The following EIF2AK3 variants were observed in gnomAD, a reference collection of about 807,000 sequenced individuals.
EIF2AK3 encodes eukaryotic translation initiation factor 2 alpha kinase 3.
EIF2AK3 carries 50 observed loss-of-function variants against 113.5 expected under a neutral mutation model. The observed-to-expected ratio is 0.44, with a 90% CI of 0.35 to 0.56. EIF2AK3 has a LOEUF of 0.56. Ranked by LOEUF, EIF2AK3 falls within the 20% of genes least tolerant of loss-of-function variation. The probability of loss-of-function intolerance (pLI) is 0.00; values close to 1 mark genes in which losing one functional copy is unlikely to be tolerated. For synonymous variants in EIF2AK3, 448 were observed against 495.4 expected (o/e 0.90, Z 1.27); for missense variants, 1,185 against 1,378.0 (o/e 0.86, Z 2.22).
intron 7 of EIF2AK3, 38 bp from the exon 8 acceptor site, chr2:88,588,142 C>T (rs1312171626): frequency 1.5e-6 from 2 of 1,332,178 alleles, no homozygotes; most frequent in South Asian, 1.4e-5. Context: ...AATAATATTT[C>T]TTAAGTCTGA....
At chr2:88,562,226 C>T in intron 15 of EIF2AK3, 63 bp downstream of exon 15, 1 of 1,384,878 alleles carries the variant, frequency 7.2e-7, no homozygotes, top group South Asian at 1.2e-5. Flanking sequence ...TTAAAAAACT[C>T]TTTTGTAAAT....
intron 2 of EIF2AK3, among the ~76,000 whole-genome samples, chr2:88,605,222 C>A (rs1227421314): frequency 6.6e-6 from 1 of 152,264 alleles, no homozygotes; most frequent in East Asian, 1.9e-4. Flanking sequence ...AAAATATAAA[C>A]TCAGTCTAGC....
chr2:88,605,942 A>T (rs1675260866), intron 2 of EIF2AK3, among the ~76,000 whole-genome samples: 1 of 152,142 alleles, frequency 6.6e-6, no homozygotes, highest in Non-Finnish European at 1.5e-5. Context: ...CCCTAACGGG[A>T]GGGGTAATGA....
At chr2:88,592,455 A>G (rs1328904311) in intron 4 of EIF2AK3, among the ~76,000 whole-genome samples, 1 of 152,210 alleles carries the variant, frequency 6.6e-6, no homozygotes. Context: ...ACTTTGAATG[A>G]TGAGATTGCT....
intron 13 of EIF2AK3, among the ~76,000 whole-genome samples, chr2:88,573,777 T>G (rs1674379116): frequency 6.6e-6 from 1 of 152,186 alleles, no homozygotes; most frequent in Non-Finnish European, 1.5e-5. Flanking sequence ...TGTGTCCAAA[T>G]AGCTACTTTT....
intron 14 of EIF2AK3, among the ~76,000 whole-genome samples, chr2:88,564,759 G>A (rs920335965): frequency 3.3e-5 from 5 of 152,106 alleles, no homozygotes; most frequent in African/African-American, 9.7e-5. Flanking sequence ...TCCCTATACT[G>A]ATAGTTTATA....
At chr2:88,592,307 T>C (rs367610490) in intron 4 of EIF2AK3, among the ~76,000 whole-genome samples, 10 of 152,110 alleles carry the variant, frequency 6.6e-5, no homozygotes, top group African/African-American at 2.2e-4. Context: ...TTCAAGAAAA[T>C]TGAATAAGAT....
chr2:88,595,599 C>G lies in EIF2AK3; in HGVS notation c.503G>C (p.Arg168Pro), dbSNP rs1003629254. 1 of 1,613,802 alleles carries G rather than the reference C, an allele frequency of 6.2e-7. No individual in the cohort carries two copies. The highest frequency in any genetic ancestry group is 1.3e-5 in the African/African-American group (1 of 74,886). Reference protein sequence around the residue: ...DGALFQWDQDRESMETVPFTV... With the variant: ...DGALFQWDQDPESMETVPFTV... ...GAAAGGAACTGTTTCCATGCTTTCA[C>G]GGTCTTGGTCCCACTGGAAGAGGGC... is the stretch of plus-strand genomic sequence containing the variant. Residue 168 changes from arginine to proline, a missense_variant, in exon 3 of 17, where the codon CGT (arginine) becomes CCT (proline). Arg to Pro is a moderately radical substitution (Grantham distance 103). This residue lies in a region of EIF2AK3 where 119 missense variants were observed against 178.7 expected (regional missense o/e 0.67). Transcript: ENST00000303236.
intron 9 of EIF2AK3, among the ~76,000 whole-genome samples, chr2:88,584,479 T>G (rs1038685140): frequency 2.8e-5 from 4 of 141,780 alleles, no homozygotes; most frequent in Non-Finnish European, 4.5e-5. Context: ...ATGGTGCCAC[T>G]GCATTCCAGC....
intron 10 of EIF2AK3, among the ~76,000 whole-genome samples, chr2:88,580,643 G>C (rs1015147584): frequency 1.3e-5 from 2 of 152,090 alleles, no homozygotes. Flanking sequence ...AATGTCTGTT[G>C]AATAAATGCA....
In EIF2AK3 at chr2:88,595,496, T is replaced by C; in HGVS notation, c.606A>G (p.Thr202=). 1 of 1,614,074 alleles carries C rather than the reference T, an allele frequency of 6.2e-7. No individual in the cohort carries two copies. Among genetic ancestry groups the C allele is most frequent in the African/African-American group, 1.3e-5 (1 of 75,050 alleles). The change falls in exon 3 of 17, where the codon ACA becomes ACG. Residue 202 remains threonine, a synonymous_variant. Transcript: ENST00000303236. ...TTCCACTATATGCACTGAGTCCATA[T>C]GTAGTCAGAGATTTTCCTCCAACCA... The part of the protein sequence containing the change: ...VVLVGGKSLT[T]YGLSAYSGKV...
At chr2:88,573,168 T>C (rs1674361075) in intron 13 of EIF2AK3, among the ~76,000 whole-genome samples, 1 of 151,966 alleles carries the variant, frequency 6.6e-6, no homozygotes, top group South Asian at 2.1e-4. Context: ...GGAATTGTCT[T>C]CTATTTAGAA....
intron 14 of EIF2AK3, 108 bp downstream of exon 14, chr2:88,570,766 T>TC (rs1414907271): frequency 5.3e-5 from 75 of 1,419,584 alleles, no homozygotes; most frequent in Non-Finnish European, 7.3e-5. Flanking sequence ...TTCATAATTT[T>TC]CAGACTTACT....
chr2:88,606,834 G>A (rs1364948976), intron 2 of EIF2AK3, among the ~76,000 whole-genome samples: 1 of 152,148 alleles, frequency 6.6e-6, no homozygotes, highest in African/African-American at 2.4e-5. Flanking sequence ...CATCAGAGCT[G>A]TCTGTTTCTG....
rs764709409 is a variant in EIF2AK3 at position 88,595,809 on chromosome 2, CCTT to C, written c.439-149_439-147del. ...TCTTGATCCTGATGTACTCCAGCCT[CCTT>C]CTGAGTAGCACATGAAGCAGTGCAG... On this transcript the variant is annotated intron_variant, in intron 2 of 16. Coordinates refer to ENST00000303236, the MANE Select transcript of EIF2AK3 (RefSeq NM_004836.7). 9 of 821,730 alleles carry C rather than the reference CCTT, an allele frequency of 1.1e-5. No homozygotes were observed. In the South Asian group the frequency reaches 1.2e-4, roughly 11 times the overall value. The allele number at this position is 821,730 out of a possible 1,614,324, so 50.9% of individuals were successfully genotyped here.
At chr2:88,622,728 T>C (rs1355093791) in intron 1 of EIF2AK3, among the ~76,000 whole-genome samples, 1 of 152,238 alleles carries the variant, frequency 6.6e-6, no homozygotes, top group Non-Finnish European at 1.5e-5. Context: ...TAGGACTATA[T>C]GACTGAGCTT....
At position 88,626,993 on chromosome 2, in the gene EIF2AK3, A is replaced by G; in HGVS notation, c.282T>C (p.Asp94=). 3 of 1,609,262 alleles carry G rather than the reference A, an allele frequency of 1.9e-6. No homozygotes were observed. Among genetic ancestry groups the G allele is most frequent in the Non-Finnish European group, 2.5e-6 (3 of 1,178,854 alleles). ...EQEPRGPEPD[D]ETELRPRGRS... The stretch of plus-strand genomic sequence containing the variant: ...TGCCGCGCGGTCGCAACTCTGTCTC[A>G]TCGTCTGGTTCCGGACCCCGAGGCT... Residue 94 remains aspartate (D), a synonymous_variant, in exon 1 of 17, where the codon GAT becomes GAC. Transcript: ENST00000303236.
intron 14 of EIF2AK3, among the ~76,000 whole-genome samples, chr2:88,568,804 G>A (rs1466441004): frequency 2.6e-5 from 4 of 152,214 alleles, no homozygotes; most frequent in East Asian, 1.9e-4. Context: ...GTTACAATAT[G>A]CTCTAGCTGC....
chr2:88,584,610 T>A (rs1273832741), intron 9 of EIF2AK3, among the ~76,000 whole-genome samples: 4 of 148,194 alleles, frequency 2.7e-5, no homozygotes, highest in Non-Finnish European at 3.0e-5. Flanking sequence ...TTTTAGTAAA[T>A]ACTCTAGTAA....
Sources: gnomAD v4.1 joint callset for allele counts (sites outside exome capture counted in the v4.1 genomes callset) on GRCh38, gnomAD v4.1.1 for gene constraint, gnomAD v4.1.1 regional missense constraint, MANE v1.5 for transcripts, NCBI Gene and HGNC (gene_info 2026-07-23, HGNC 2026-07-21) for gene names.